LHFPL3: variants seen among roughly 807,000 people sequenced by gnomAD.
LHFPL3 encodes the protein LHFPL tetraspan subfamily member 3 protein.
Under a neutral mutation model 19.3 loss-of-function variants are expected in LHFPL3, and 5 were observed. The ratio of observed to expected loss-of-function variants is 0.26; its 90% CI spans 0.14 to 0.54. LHFPL3 has a LOEUF of 0.54. Among genes scored for constraint, LHFPL3 ranks in the 20% least tolerant of loss-of-function variants. LHFPL3 has a pLI of 0.94. For missense variants in LHFPL3, 249 were observed against 307.4 expected (o/e 0.81, Z 1.42); for synonymous variants, 133 against 126.2 (o/e 1.05, Z -0.36).
At chr7:104,554,465 T>C (rs1794719979) in intron 1 of LHFPL3, among the ~76,000 whole-genome samples, 1 of 152,090 alleles carries the variant, frequency 6.6e-6, no homozygotes, top group South Asian at 2.1e-4. Context: ...TAAACAAATA[T>C]GAATAAATGT....
At chr7:104,523,959 G>T (rs1213021641) in intron 1 of LHFPL3, among the ~76,000 whole-genome samples, 1 of 152,188 alleles carries the variant, frequency 6.6e-6, no homozygotes, top group Non-Finnish European at 1.5e-5. Flanking sequence ...AATTCCTTCA[G>T]ATGATTCTGA....
intron 2 of LHFPL3, among the ~76,000 whole-genome samples, chr7:104,784,075 C>T (rs904893637): frequency 5.9e-5 from 9 of 152,210 alleles, no homozygotes; most frequent in African/African-American, 2.2e-4. Context: ...GAATGAACTG[C>T]TTCTATTTTC....
chr7:104,409,304 C>CTGTGTGTG (rs59285167), intron 1 of LHFPL3, among the ~76,000 whole-genome samples: 5 of 148,912 alleles, frequency 3.4e-5, no homozygotes, highest in South Asian at 4.3e-4. Context: ...CTTATGTGTG[C>CTGTGTGTG]TGTGTGTGTG....
At chr7:104,462,995 A>G (rs1792703142) in intron 1 of LHFPL3, among the ~76,000 whole-genome samples, 1 of 152,094 alleles carries the variant, frequency 6.6e-6, no homozygotes, top group African/African-American at 2.4e-5. Context: ...CCAGGAATTC[A>G]TCTCTTGTAG....
At chr7:104,579,178 G>A (rs1273325843) in intron 1 of LHFPL3, among the ~76,000 whole-genome samples, 1 of 152,068 alleles carries the variant, frequency 6.6e-6, no homozygotes. Context: ...TTTAATTTTA[G>A]ATTCGGGAGT....
intron 1 of LHFPL3, among the ~76,000 whole-genome samples, chr7:104,488,615 T>G (rs1396728286): frequency 6.6e-6 from 1 of 152,090 alleles, no homozygotes; most frequent in African/African-American, 2.4e-5. Flanking sequence ...ATCCCCTCTG[T>G]GGGATGTCAT....
intron 2 of LHFPL3, among the ~76,000 whole-genome samples, chr7:104,828,891 T>G (rs1294413846): frequency 6.6e-6 from 1 of 151,664 alleles, no homozygotes; most frequent in Non-Finnish European, 1.5e-5. Flanking sequence ...AAAAATTAGC[T>G]GGGCATGATG....
intron 1 of LHFPL3, among the ~76,000 whole-genome samples, chr7:104,539,634 G>C (rs1018256033): frequency 1.3e-5 from 2 of 152,170 alleles, no homozygotes. Flanking sequence ...AATGAGTGCA[G>C]TGGTTCCCAA....
At chr7:104,903,696 C>A (rs1204781606) in intron 2 of LHFPL3, among the ~76,000 whole-genome samples, 1 of 152,116 alleles carries the variant, frequency 6.6e-6, no homozygotes, top group African/African-American at 2.4e-5. Context: ...GAACTCCTGA[C>A]CTCAAGTGAT....
intron 1 of LHFPL3, among the ~76,000 whole-genome samples, chr7:104,333,802 T>C (rs1162121404): frequency 1.3e-5 from 2 of 152,218 alleles, no homozygotes; most frequent in Non-Finnish European, 2.9e-5. Flanking sequence ...GTTTATTTAA[T>C]TTCTGTCTTC....
rs1793834581 is a variant in LHFPL3 at position 104,736,878 on chromosome 7, T to C, written c.649T>C (p.Leu217=). Residue 217 remains leucine, a synonymous_variant, in exon 2 of 3, where the codon TTG becomes CTG. Transcript: ENST00000424859. ...AFVLGNRQDS[L]MAEELKAENK... is the part of the protein sequence containing the mutation. ...TGTGCTTGGTAATCGACAAGACAGC[T>C]TGATGGCAGAGGAACTGAAGGCAGA... The C allele has an allele frequency of 6.2e-7, 1 of 1,610,000 alleles. No homozygotes were observed.
intron 2 of LHFPL3, among the ~76,000 whole-genome samples, chr7:104,887,649 G>A (rs1166236115): frequency 6.6e-6 from 1 of 152,206 alleles, no homozygotes. Context: ...TTAAACACTG[G>A]CCCAGTGGGC....
chr7:104,433,330 GT>G (rs1053071136), intron 1 of LHFPL3, among the ~76,000 whole-genome samples: 1 of 152,166 alleles, frequency 6.6e-6, no homozygotes, highest in Non-Finnish European at 1.5e-5. Flanking sequence ...TATGAAGATA[GT>G]TTTGACTTCA....
chr7:104,502,645 C>G (rs1057322163), intron 1 of LHFPL3, among the ~76,000 whole-genome samples: 1 of 152,154 alleles, frequency 6.6e-6, no homozygotes, highest in Non-Finnish European at 1.5e-5. Flanking sequence ...CACACCACCT[C>G]CCAATGTATT....
intron 1 of LHFPL3, among the ~76,000 whole-genome samples, chr7:104,366,155 T>C (rs946516106): frequency 1.3e-5 from 2 of 151,808 alleles, no homozygotes; most frequent in Non-Finnish European, 2.9e-5. Flanking sequence ...GGCACAAGAG[T>C]GTGGGAAAGA....
At chr7:104,632,615 C>T (rs1791663497) in intron 1 of LHFPL3, among the ~76,000 whole-genome samples, 2 of 152,150 alleles carry the variant, frequency 1.3e-5, no homozygotes, top group African/African-American at 4.8e-5. Flanking sequence ...GTCAGAATTA[C>T]ATATAGTTCA....
At chr7:104,769,234 A>G (rs1410414294) in intron 2 of LHFPL3, among the ~76,000 whole-genome samples, 1 of 152,238 alleles carries the variant, frequency 6.6e-6, no homozygotes, top group East Asian at 1.9e-4. Context: ...TACTGTCATT[A>G]AGAAGGGACC....
At chr7:104,594,435 G>A (rs551201561) in intron 1 of LHFPL3, among the ~76,000 whole-genome samples, 5 of 152,238 alleles carry the variant, frequency 3.3e-5, no homozygotes, top group South Asian at 4.2e-4. Context: ...TCCCTCTGTG[G>A]GTAACTCAAC....
At chr7:104,477,236 C>T (rs905870462) in intron 1 of LHFPL3, among the ~76,000 whole-genome samples, 1 of 152,192 alleles carries the variant, frequency 6.6e-6, no homozygotes, top group African/African-American at 2.4e-5. Context: ...AGGGATCCTT[C>T]TGCCTCAACC....
Sources: gnomAD v4.1 joint callset for allele counts (sites outside exome capture counted in the v4.1 genomes callset) on GRCh38, gnomAD v4.1.1 for gene constraint, MANE v1.5 for transcripts, NCBI Gene and HGNC (gene_info 2026-07-23, HGNC 2026-07-21) for gene names.